ABHD6: variants seen among roughly 807,000 people sequenced by gnomAD.
ABHD6 encodes the protein monoacylglycerol lipase ABHD6.
Under a neutral mutation model 38.8 loss-of-function variants are expected in ABHD6, and 33 were observed. The observed-to-expected ratio is 0.85, with a 90% CI of 0.64 to 1.14. The LOEUF (loss-of-function observed/expected upper bound fraction) is 1.14, where lower values mean the gene tolerates loss of function less well. Among genes scored for constraint, ABHD6 ranks in the 50% most tolerant of loss-of-function variants. ABHD6 has a pLI of 0.00. For missense variants in ABHD6, 380 were observed against 422.6 expected, an observed-to-expected ratio of 0.90 and a Z score of 0.88; for synonymous variants, 147 against 161.6, an observed-to-expected ratio of 0.91 and a Z score of 0.69.
intron 9 of ABHD6, among the ~76,000 whole-genome samples, chr3:58,286,852 G>GCATATATATATATATATATA (rs1559784446): frequency 1.4e-5 from 1 of 70,648 alleles, no homozygotes; most frequent in African/African-American, 4.7e-5. Flanking sequence ...GTGTGTGTGT[G>GCATATATATATATATATATA]TATATATATA....
At chr3:58,274,574 G>C (rs1371987613) in intron 6 of ABHD6, 84 bp from the exon 7 acceptor site, 1 of 1,398,876 alleles carries the variant, frequency 7.1e-7, no homozygotes. Flanking sequence ...TTAACTCTGG[G>C]CTGCTGTCAG....
At chr3:58,272,980 G>A (rs1179603908) in intron 6 of ABHD6, among the ~76,000 whole-genome samples, 1 of 152,098 alleles carries the variant, frequency 6.6e-6, no homozygotes. Context: ...GTATATTACT[G>A]TTAACTAAAT....
rs754612444 is a variant in ABHD6, at chr3:58,269,997, CTG to C, written c.390+565_390+566del. On this transcript the variant is annotated intron_variant, in intron 5 of 9. Transcript: ENST00000478253. This position sits in a 1 kb window ranked among gnomAD's most constrained non-coding sequence, Gnocchi z 4.4. ...TTTAATATCTGCCTCCTCCATTAAA[CTG>C]TTTTTTAAATTCGGTCAGGAACCTT... Among the ~76,000 whole-genome samples, 6 of 152,202 alleles carry C rather than the reference CTG, an allele frequency of 3.9e-5. No homozygotes were observed. The highest frequency in any genetic ancestry group is 7.2e-5 in the African/African-American group (3 of 41,468).
At chr3:58,260,212 C>T (rs1251766830) in intron 3 of ABHD6, among the ~76,000 whole-genome samples, 1 of 152,200 alleles carries the variant, frequency 6.6e-6, no homozygotes. Flanking sequence ...GCAGAGCATT[C>T]AGAGCCTCTT....
chr3:58,275,570 G>A (rs183346259), intron 7 of ABHD6, among the ~76,000 whole-genome samples: 7 of 152,016 alleles, frequency 4.6e-5, no homozygotes, highest in East Asian at 3.9e-4. Flanking sequence ...CCCGTGATCC[G>A]TCCACCTCAG....
intron 5 of ABHD6, 123 bp from the exon 6 acceptor site, chr3:58,270,809 G>C: frequency 2.7e-6 from 3 of 1,117,894 alleles, no homozygotes; most frequent in Non-Finnish European, 3.7e-6. Context: ...TAGAGTTTCA[G>C]ACTCTTTAAA....
intron 6 of ABHD6, among the ~76,000 whole-genome samples, chr3:58,271,647 T>C (rs141677465): frequency 1.3e-5 from 2 of 152,152 alleles, no homozygotes; most frequent in East Asian, 1.9e-4. Context: ...TTCTCCGATA[T>C]TACCGTTTGA....
chr3:58,272,761 T>C (rs1409678537), intron 6 of ABHD6, among the ~76,000 whole-genome samples: 2 of 152,192 alleles, frequency 1.3e-5, no homozygotes. Flanking sequence ...ATTAAGTTTG[T>C]ATGTGAAAAC....
intron 6 of ABHD6, among the ~76,000 whole-genome samples, chr3:58,271,762 C>CTGTTTTTTTTTTTTT (rs2097445051): frequency 1.0e-5 from 1 of 96,222 alleles, no homozygotes; most frequent in African/African-American, 3.8e-5. Flanking sequence ...CTCCCCCTCT[C>CTGTTTTTTTTTTTTT]TCTGTTTTTT....
At chr3:58,289,896 G>T (rs1434346050) in intron 9 of ABHD6, among the ~76,000 whole-genome samples, 1 of 143,932 alleles carries the variant, frequency 6.9e-6, no homozygotes, top group Admixed American at 6.7e-5. Flanking sequence ...CGGACGGGGT[G>T]GCTGGCCGGG....
At chr3:58,264,430 CACACACACACACACATAT>C (rs1415585890) in intron 3 of ABHD6, among the ~76,000 whole-genome samples, 111 of 99,628 alleles carry the variant, frequency 1.1e-3, no homozygotes, top group African/African-American at 6.3e-3. Context: ...CACACACACA[CACACACACACACACATAT>C]GCCAGGTGCA....
rs1268390729 is a variant in ABHD6, at chr3:58,294,197, T to G, written c.*432T>G. 1 of 155,916 alleles carries G rather than the reference T, an allele frequency of 6.4e-6. No individual in the cohort carries two copies. The highest frequency in any genetic ancestry group is 2.4e-5 in the African/African-American group (1 of 41,514). 9.7% of individuals were successfully genotyped at this position (155,916 alleles called of 1,614,324 possible). On this transcript the variant is annotated 3_prime_UTR_variant, in exon 10 of 10. Transcript: ENST00000478253. ...CTTTTATAGGAGCATTAGTCCTCAT[T>G]CGCTGAACCCTGTTGTTTAGGTCTA... is the stretch of plus-strand genomic sequence containing the variant.
intron 7 of ABHD6, among the ~76,000 whole-genome samples, chr3:58,276,021 G>C (rs2097448482): frequency 6.6e-6 from 1 of 152,162 alleles, no homozygotes; most frequent in Non-Finnish European, 1.5e-5. Context: ...ACCATTGATA[G>C]ACATTTGGGT....
Position 58,269,284 on chromosome 3 carries a change from C to T in ABHD6, c.277-37C>T, listed in dbSNP as rs776905954. ...AGAAAATGGGCAGACATGTTTTGCA[C>T]ACCACATACTGACTCTCTGGGTCTG... On this transcript the variant is annotated intron_variant, in intron 4 of 9. Transcript: ENST00000478253. The surrounding 1 kb of genome is among the most constrained non-coding windows in gnomAD (Gnocchi z 4.4). 49 of 1,532,144 alleles carry T rather than the reference C, an allele frequency of 3.2e-5. No individual in the cohort carries two copies. Among genetic ancestry groups the T allele is most frequent in the Admixed American group, 1.2e-4 (7 of 59,230 alleles). The allele number at this position is 1,532,144 out of a possible 1,614,324, so 94.9% of individuals were successfully genotyped here.
intron 7 of ABHD6, among the ~76,000 whole-genome samples, chr3:58,276,043 C>T (rs2097448499): frequency 6.6e-6 from 1 of 152,140 alleles, no homozygotes; most frequent in Non-Finnish European, 1.5e-5. Context: ...GGTTCCAAGT[C>T]TTTGCTGCTG....
chr3:58,259,335 C>A lies in ABHD6; in HGVS notation c.119+2630C>A, dbSNP rs1378021598. Among the ~76,000 whole-genome samples the A allele has an allele frequency of 1.3e-5, 2 of 152,130 alleles. No individual in the cohort carries two copies. Among genetic ancestry groups the A allele is most frequent in the Non-Finnish European group, 2.9e-5 (2 of 68,026 alleles). On this transcript the variant is annotated intron_variant, in intron 3 of 9. Transcript: ENST00000478253. This position sits in a 1 kb window ranked among gnomAD's most constrained non-coding sequence, Gnocchi z 4.7. ...AAATAAGTTGATAGCAAATAATTTG[C>A]TTTTTAAATTAAGTTAAAATTCACA...
rs1327387236 is a variant in ABHD6 at position 58,262,270 on chromosome 3, G to GT, written c.120-4917dup. Among the ~76,000 whole-genome samples, 5 of 152,218 alleles carry GT rather than the reference G, an allele frequency of 3.3e-5. No individual in the cohort carries two copies. In the East Asian group the frequency reaches 9.6e-4, roughly 29 times the overall value. ...TGGATAGTGGTGGTAGTTTTACAAT[G>GT]TTGTGTAATGTCATTGATCGTACAC... On this transcript the variant is annotated intron_variant, in intron 3 of 9. Transcript: ENST00000478253.
intron 9 of ABHD6, among the ~76,000 whole-genome samples, chr3:58,292,671 C>T (rs887676738): frequency 2.6e-5 from 4 of 152,064 alleles, no homozygotes; most frequent in African/African-American, 7.2e-5. Context: ...AATCCTAGCA[C>T]TTTGGGAGGC....
intron 7 of ABHD6, among the ~76,000 whole-genome samples, chr3:58,283,465 A>G (rs984746041): frequency 6.6e-6 from 1 of 152,214 alleles, no homozygotes. Flanking sequence ...TGGCTGTTCT[A>G]TCCCCAGACT....
Sources: allele counts gnomAD v4.1 joint callset (sites outside exome capture counted in the v4.1 genomes callset), GRCh38; gene constraint gnomAD v4.1.1; non-coding constraint Gnocchi (gnomAD v3.1); transcripts MANE v1.5; gene names NCBI Gene and HGNC (gene_info 2026-07-23, HGNC 2026-07-21).